HEPH: variants seen among roughly 807,000 people sequenced by gnomAD.
HEPH encodes the protein hephaestin.
Under a neutral mutation model 80.8 loss-of-function variants are expected in HEPH, and 69 were observed. That is an observed-to-expected ratio of 0.85 (90% confidence interval 0.70 to 1.04). The LOEUF is 1.04. Among genes scored for constraint, HEPH ranks in the 50% least tolerant of loss-of-function variants. The pLI, the probability that HEPH is intolerant of heterozygous loss-of-function variation, is 0.00. For synonymous variants in HEPH, 431 were observed against 322.8 expected (o/e 1.34, Z -3.60); for missense variants, 1,115 against 891.3 (o/e 1.25, Z -3.20).
At chrX:66,214,028 C>T (rs922436464) in intron 15 of HEPH, among the ~76,000 whole-genome samples, 8 of 112,289 alleles carry the variant, frequency 7.1e-5, no homozygotes, top group Non-Finnish European at 1.5e-4. Context: ...TTGCACTACC[C>T]CCTTCCATGT....
chrX:66,211,868 C>T (rs950457588), intron 15 of HEPH, among the ~76,000 whole-genome samples: 6 of 111,487 alleles, frequency 5.4e-5, no homozygotes, highest in African/African-American at 1.9e-4. Flanking sequence ...AGTGACATTG[C>T]TGGATTGAAT....
chrX:66,233,969 G>A (rs1272234378), intron 15 of HEPH, among the ~76,000 whole-genome samples: 1 of 110,844 alleles, frequency 9.0e-6, no homozygotes, highest in South Asian at 3.8e-4. Context: ...AGGTAAACTT[G>A]TGTCATGGAC....
At chrX:66,188,327 C>G in intron 4 of HEPH, 32 bp from the exon 5 acceptor site, 1 of 1,107,865 alleles carries the variant, frequency 9.0e-7, no homozygotes. Flanking sequence ...AGGAAAGGAT[C>G]TTCTCAAGGG....
chrX:66,240,792 G>A (rs188948702), intron 15 of HEPH, among the ~76,000 whole-genome samples: 63 of 111,925 alleles, frequency 5.6e-4, no homozygotes, highest in South Asian at 1.5e-3. Flanking sequence ...AGTCTATGAG[G>A]ATTCATTCCC....
upstream of HEPH, among the ~76,000 whole-genome samples, chrX:66,163,751 C>T (rs188351157): frequency 1.8e-5 from 2 of 111,928 alleles, no homozygotes; most frequent in African/African-American, 6.5e-5. Flanking sequence ...GTTACCTTCC[C>T]TCTCAGAGCT....
At chrX:66,192,000 A>G in intron 6 of HEPH, 130 bp from the exon 7 acceptor site, 1 of 620,932 alleles carries the variant, frequency 1.6e-6, no homozygotes, top group Non-Finnish European at 2.4e-6. Flanking sequence ...AAAGCGGCCC[A>G]TTTTGGAGCA....
At chrX:66,218,334 T>C (rs1261225692) in intron 15 of HEPH, among the ~76,000 whole-genome samples, 2 of 111,885 alleles carry the variant, frequency 1.8e-5, no homozygotes, top group African/African-American at 6.5e-5. Flanking sequence ...ACTGAAATTA[T>C]ATAAAATACT....
At chrX:66,214,825 G>A (rs1399618726) in intron 15 of HEPH, among the ~76,000 whole-genome samples, 1 of 110,834 alleles carries the variant, frequency 9.0e-6, no homozygotes, top group Non-Finnish European at 1.9e-5. Context: ...ATATTAATCA[G>A]TCTCCAATCT....
At chrX:66,255,203 C>A in intron 16 of HEPH, 62 bp downstream of exon 16, 1 of 733,831 alleles carries the variant, frequency 1.4e-6, no homozygotes, top group South Asian at 2.7e-5. Flanking sequence ...AAGCTATTAA[C>A]CAGGTGTAGT....
chrX:66,180,667 A>T (rs1473763065), intron 4 of HEPH, among the ~76,000 whole-genome samples: 8 of 44,507 alleles, frequency 1.8e-4, no homozygotes, highest in Middle Eastern at 0.026. Context: ...TTTTTCAGTC[A>T]TTATTTGTTT....
intron 15 of HEPH, among the ~76,000 whole-genome samples, chrX:66,214,631 T>G (rs1224861288): frequency 9.0e-6 from 1 of 111,654 alleles, no homozygotes; most frequent in South Asian, 3.7e-4. Context: ...ATAAGTTTCT[T>G]TTTTCACATT....
chrX:66,248,991 GTGTGCT>G (rs1344287676), intron 15 of HEPH, among the ~76,000 whole-genome samples: 3 of 111,559 alleles, frequency 2.7e-5, no homozygotes, highest in African/African-American at 9.8e-5. Flanking sequence ...GTGGAGGTGG[GTGTGCT>G]GGTGTAGGAG....
At chrX:66,220,722 G>A (rs779327289) in intron 15 of HEPH, among the ~76,000 whole-genome samples, 1 of 110,877 alleles carries the variant, frequency 9.0e-6, no homozygotes, top group Non-Finnish European at 1.9e-5. Context: ...ACTTGTTTGG[G>A]CACCCCTTTT....
At chrX:66,220,002 G>A (rs753710929) in intron 15 of HEPH, among the ~76,000 whole-genome samples, 2 of 111,688 alleles carry the variant, frequency 1.8e-5, no homozygotes, top group Non-Finnish European at 3.8e-5. Context: ...GCCCGAGGCA[G>A]CTGAGTCTTC....
chrX:66,256,406 C>A, intron 17 of HEPH, 76 bp downstream of exon 17: 2 of 712,918 alleles, frequency 2.8e-6, no homozygotes, highest in South Asian at 2.7e-5. Context: ...AGGCCTATTG[C>A]TACCTAAGGG....
chrX:66,220,599 C>T (rs1034682985), intron 15 of HEPH, among the ~76,000 whole-genome samples: 2 of 112,163 alleles, frequency 1.8e-5, no homozygotes, highest in Non-Finnish European at 3.8e-5. Context: ...ACAGTCCTAA[C>T]TCATGACAAA....
chrX:66,244,410 G>A (rs778271077), intron 15 of HEPH, among the ~76,000 whole-genome samples: 2 of 111,433 alleles, frequency 1.8e-5, no homozygotes, highest in Non-Finnish European at 3.8e-5. Flanking sequence ...ACTAGTCTCC[G>A]AGCTTTGAGG....
intron 4 of HEPH, among the ~76,000 whole-genome samples, chrX:66,176,648 C>G (rs890156927): frequency 9.0e-6 from 1 of 110,960 alleles, no homozygotes; most frequent in Admixed American, 9.6e-5. Context: ...ATCCCTCCCC[C>G]CTCTCCCCAC....
chrX:66,211,636 C>A (rs1477849134), intron 15 of HEPH, among the ~76,000 whole-genome samples: 1 of 111,586 alleles, frequency 9.0e-6, no homozygotes, highest in Non-Finnish European at 1.9e-5. Context: ...ATAATGACCT[C>A]CATTTCCATC....
Sources: gnomAD v4.1 joint callset for allele counts (sites outside exome capture counted in the v4.1 genomes callset) on GRCh38, gnomAD v4.1.1 for gene constraint, MANE v1.5 for transcripts, NCBI Gene and HGNC (gene_info 2026-07-23, HGNC 2026-07-21) for gene names.